TRPM2: variants seen among roughly 807,000 people sequenced by gnomAD.
TRPM2 encodes the protein transient receptor potential cation channel subfamily M member 2, also known as estrogen-responsive element-associated gene 1 protein.
Under a neutral mutation model 174.0 loss-of-function variants are expected in TRPM2, and 161 were observed. The ratio of observed to expected loss-of-function variants is 0.93; its 90% CI spans 0.81 to 1.05. The LOEUF is 1.05. Ranked by LOEUF, TRPM2 falls within the 50% of genes least tolerant of loss-of-function variation. TRPM2 has a pLI of 0.00. For synonymous variants in TRPM2, 954 were observed against 861.3 expected, an observed-to-expected ratio of 1.11 and a Z score of -1.88; for missense variants, 2,057 against 2,038.0, an observed-to-expected ratio of 1.01 and a Z score of -0.18.
chr21:44,362,348 C>CAAAAAAAAAAAAAAAAAAAAAAAA (rs57031573), intron 2 of TRPM2, among the ~76,000 whole-genome samples: 3 of 89,244 alleles, frequency 3.4e-5, no homozygotes, highest in Non-Finnish European at 6.9e-5. Context: ...ACTAAAAATA[C>CAAAAAAAAAAAAAAAAAAAAAAAA]AAAAAAAAAA....
At chr21:44,369,047 C>T (rs1474631095) in intron 4 of TRPM2, 130 bp from the exon 5 acceptor site, 6 of 1,026,652 alleles carry the variant, frequency 5.8e-6, no homozygotes, top group Non-Finnish European at 2.7e-6. Flanking sequence ...GTTTGAAAGC[C>T]CCTGAGTGAG....
chr21:44,402,496 G>A (rs1399100966), intron 16 of TRPM2, among the ~76,000 whole-genome samples: 1 of 152,094 alleles, frequency 6.6e-6, no homozygotes, highest in African/African-American at 2.4e-5. Context: ...CGCGGGCCTT[G>A]GTGTCTACTG....
chr21:44,433,092 G>A (rs1049170639), intron 27 of TRPM2, among the ~76,000 whole-genome samples: 2 of 152,192 alleles, frequency 1.3e-5, no homozygotes, highest in African/African-American at 2.4e-5. Context: ...CCTGCTGCCC[G>A]GCCCGCTCAG....
Position 44,367,250 on chromosome 21 carries a change from G to A in TRPM2, c.604+316G>A, listed in dbSNP as rs1371565665. The stretch of plus-strand genomic sequence containing the variant: ...AGAACCTTGGTGGCCTGGGAACCTC[G>A]GTGGCCTGAGAACCTTGGTGGCCTG... On this transcript the variant is annotated intron_variant, in intron 4 of 31. Coordinates refer to ENST00000397928, the MANE Select transcript of TRPM2 (RefSeq NM_003307.4). This position sits in a 1 kb window ranked among gnomAD's most constrained non-coding sequence, Gnocchi z 4.6. Among the ~76,000 whole-genome samples, 1 of 151,870 alleles carries A rather than the reference G, an allele frequency of 6.6e-6. No individual in the cohort carries two copies. The highest frequency in any genetic ancestry group is 1.5e-5 in the Non-Finnish European group (1 of 67,972).
chr21:44,350,635 G>C (rs1263483264), upstream of TRPM2, among the ~76,000 whole-genome samples: 1 of 135,330 alleles, frequency 7.4e-6, no homozygotes, highest in Non-Finnish European at 1.6e-5. Flanking sequence ...GGGTGCAGGG[G>C]CGCGAAGGGG....
At chr21:44,437,698 AC>A (rs36110324) in intron 29 of TRPM2, among the ~76,000 whole-genome samples, 1 of 152,076 alleles carries the variant, frequency 6.6e-6, no homozygotes, top group African/African-American at 2.4e-5. Context: ...GCTGGAGCGC[AC>A]CCCAGCATCT....
chr21:44,427,256 A>G (rs1054998499), intron 27 of TRPM2, 145 bp downstream of exon 27: 3 of 716,560 alleles, frequency 4.2e-6, no homozygotes, highest in East Asian at 2.8e-5. Context: ...GAAAACATCA[A>G]CTCACTGCAT....
intron 4 of TRPM2, among the ~76,000 whole-genome samples, chr21:44,368,732 G>T (rs541763646): frequency 6.6e-6 from 1 of 151,924 alleles, no homozygotes; most frequent in African/African-American, 2.4e-5. Flanking sequence ...GTGCCCGGCC[G>T]GAGGTGTGTT....
chr21:44,361,672 C>T (rs2048212582), intron 2 of TRPM2, among the ~76,000 whole-genome samples: 1 of 151,082 alleles, frequency 6.6e-6, no homozygotes, highest in Admixed American at 6.6e-5. Flanking sequence ...TTGTGGGTTA[C>T]TTGAACATTT....
intron 9 of TRPM2, among the ~76,000 whole-genome samples, chr21:44,385,624 G>A (rs919236077): frequency 5.9e-5 from 9 of 152,174 alleles, no homozygotes; most frequent in Admixed American, 3.3e-4. Context: ...TATGATTTTC[G>A]TATTTGTCCA....
chr21:44,436,974 C>T (rs906591621), intron 28 of TRPM2, 88 bp from the exon 29 acceptor site: 18 of 1,191,086 alleles, frequency 1.5e-5, no homozygotes, highest in African/African-American at 9.2e-5. Context: ...GACACTGCCC[C>T]GCCCCAGGCA....
intron 24 of TRPM2, 87 bp downstream of exon 24, chr21:44,425,026 G>A (rs2050702778): frequency 1.6e-6 from 2 of 1,222,278 alleles, no homozygotes; most frequent in East Asian, 5.2e-5. Context: ...GCAGCTGGGG[G>A]TGGGGGGCTC....
At chr21:44,374,480 T>C (rs2048638026) in intron 5 of TRPM2, among the ~76,000 whole-genome samples, 1 of 152,148 alleles carries the variant, frequency 6.6e-6, no homozygotes, top group Non-Finnish European at 1.5e-5. Flanking sequence ...TACATTGTAA[T>C]ATATAATGCA....
intron 5 of TRPM2, among the ~76,000 whole-genome samples, chr21:44,374,258 A>G (rs1197771199): frequency 6.6e-6 from 1 of 151,886 alleles, no homozygotes; most frequent in Non-Finnish European, 1.5e-5. Flanking sequence ...TGATCTGCCC[A>G]CCTTGGCCTC....
rs2049890680 is a variant in TRPM2 at position 44,406,664 on chromosome 21, C to T, written c.2861C>T (p.Ala954Val). Residue 954 changes from alanine to valine, a missense_variant, in exon 19 of 32, where the codon GCC becomes GTC. Coordinates refer to ENST00000397928, the MANE Select transcript of TRPM2 (RefSeq NM_003307.4). ...WVVSFGVAKQAILIHNERRVD... is the reference protein window; with the variant it reads ...WVVSFGVAKQVILIHNERRVD... ...GTGTCCTTCGGGGTGGCCAAGCAGG[C>T]CATCCTCATCCACAACGAGCGCCGG... The T allele has an allele frequency of 6.2e-7, 1 of 1,610,742 alleles. No individual in the cohort carries two copies. The highest frequency in any genetic ancestry group is 8.5e-7 in the Non-Finnish European group (1 of 1,179,432).
intron 9 of TRPM2, among the ~76,000 whole-genome samples, chr21:44,387,962 G>A (rs953067637): frequency 7.9e-5 from 12 of 152,206 alleles, no homozygotes; most frequent in African/African-American, 2.7e-4. Flanking sequence ...ACATGGTGCA[G>A]CTGCCGTGGA....
At chr21:44,409,553 G>C (rs2050019157) in intron 19 of TRPM2, among the ~76,000 whole-genome samples, 1 of 151,212 alleles carries the variant, frequency 6.6e-6, no homozygotes, top group Admixed American at 6.6e-5. Flanking sequence ...TGCTGTCTTG[G>C]TTGGCATAGC....
intron 19 of TRPM2, among the ~76,000 whole-genome samples, chr21:44,413,036 TAG>T (rs1261506035): frequency 6.6e-6 from 1 of 152,122 alleles, no homozygotes; most frequent in Non-Finnish European, 1.5e-5. Flanking sequence ...TATGTTTCCT[TAG>T]AGATTTGTTT....
In TRPM2 at chr21:44,391,343, G is replaced by T. The variant is rs765291146; in HGVS notation, c.1512G>T (p.Leu504=). The change falls in exon 11 of 32, where the codon CTG becomes CTT. Residue 504 remains leucine, a synonymous_variant. Coordinates refer to ENST00000397928, the MANE Select transcript of TRPM2 (RefSeq NM_003307.4). The surrounding 1 kb of genome is among the most constrained non-coding windows in gnomAD (Gnocchi z 5.0). ...AGCCTGAGTTTGTGAAGCTCTTCCTGGAGAACGGGGTGCAGCTGAAGGAGT... is the reference window on the plus strand; with the variant it reads ...AGCCTGAGTTTGTGAAGCTCTTCCTTGAGAACGGGGTGCAGCTGAAGGAGT... ...SNKPEFVKLF[L]ENGVQLKEFV... 2 of 1,614,160 alleles carry T rather than the reference G, an allele frequency of 1.2e-6. No individual in the cohort carries two copies. Among genetic ancestry groups the T allele is most frequent in the South Asian group, 2.2e-5 (2 of 91,086 alleles).
Sources: allele counts gnomAD v4.1 joint callset (sites outside exome capture counted in the v4.1 genomes callset), GRCh38; gene constraint gnomAD v4.1.1; non-coding constraint Gnocchi (gnomAD v3.1); transcripts MANE v1.5; gene names NCBI Gene and HGNC (gene_info 2026-07-23, HGNC 2026-07-21).